The following GBE1 variants were observed in gnomAD, a reference collection of about 807,000 sequenced individuals.
The protein encoded by GBE1 is 1,4-alpha-glucan branching enzyme 1.
GBE1 carries 70 observed loss-of-function variants against 88.8 expected under a neutral mutation model. The ratio of observed to expected loss-of-function variants is 0.79; its 90% CI spans 0.65 to 0.96. The LOEUF (loss-of-function observed/expected upper bound fraction) is 0.96, where lower values mean the gene tolerates loss of function less well. Among genes scored for constraint, GBE1 ranks in the 40% least tolerant of loss-of-function variants. The probability of loss-of-function intolerance (pLI) is 0.00; values close to 1 mark genes in which losing one functional copy is unlikely to be tolerated. For missense variants in GBE1, 872 were observed against 871.0 expected (o/e 1.00, Z -0.01); for synonymous variants, 284 against 300.1 (o/e 0.95, Z 0.56).
chr3:81,560,533 T>C (rs539883970), intron 12 of GBE1, among the ~76,000 whole-genome samples: 2 of 152,134 alleles, frequency 1.3e-5, no homozygotes, highest in South Asian at 2.1e-4. Context: ...AAACATGATG[T>C]ATAAAAGATT....
At chr3:81,529,538 C>T (rs1389227817) in intron 14 of GBE1, among the ~76,000 whole-genome samples, 1 of 151,820 alleles carries the variant, frequency 6.6e-6, no homozygotes, top group Non-Finnish European at 1.5e-5. Context: ...CTGGGAAAGT[C>T]TTAATTTCTC....
chr3:81,665,608 T>C (rs1229709805), intron 3 of GBE1, among the ~76,000 whole-genome samples: 3 of 152,210 alleles, frequency 2.0e-5, no homozygotes, highest in Non-Finnish European at 2.9e-5. Context: ...AAACATTTTC[T>C]TTCTACATTA....
chr3:81,501,121 A>G (rs1345919073), intron 14 of GBE1, among the ~76,000 whole-genome samples: 1 of 152,210 alleles, frequency 6.6e-6, no homozygotes, highest in Non-Finnish European at 1.5e-5. Context: ...AAAAGAAAAA[A>G]GGAAAGAAAC....
At chr3:81,710,661 G>C (rs752272041) in intron 1 of GBE1, among the ~76,000 whole-genome samples, 1 of 151,966 alleles carries the variant, frequency 6.6e-6, no homozygotes, top group African/African-American at 2.4e-5. Flanking sequence ...AACAGCAGGA[G>C]CATTACCCGC....
intron 2 of GBE1, among the ~76,000 whole-genome samples, chr3:81,678,295 C>CCA (rs1390130137): frequency 6.6e-6 from 1 of 152,144 alleles, no homozygotes; most frequent in Non-Finnish European, 1.5e-5. Flanking sequence ...TCCTATGGGA[C>CCA]CACCTTTGTA....
Position 81,758,023 on chromosome 3 carries a change from T to C in GBE1, c.143+3352A>G, listed in dbSNP as rs1001343069. On this transcript the variant is annotated intron_variant, in intron 1 of 15. Coordinates refer to ENST00000429644, the MANE Select transcript of GBE1 (RefSeq NM_000158.4). ...CAAAGAGCCAAGAAATAGTCCAACA[T>C]GTACAATGCTAGAGATAAAGAAAAG... Among the ~76,000 whole-genome samples, 24 of 152,144 alleles carry C rather than the reference T, an allele frequency of 1.6e-4. 1 individual carries two copies. Among genetic ancestry groups the C allele is most frequent in the Non-Finnish European group, 3.5e-4 (24 of 68,002 alleles).
chr3:81,570,921 A>G (rs1703565260), intron 12 of GBE1, among the ~76,000 whole-genome samples: 1 of 152,174 alleles, frequency 6.6e-6, no homozygotes, highest in Non-Finnish European at 1.5e-5. Flanking sequence ...CTCCATGTTT[A>G]TTTTCTACCA....
At chr3:81,644,767 T>G (rs75084748) in intron 6 of GBE1, among the ~76,000 whole-genome samples, 1 of 152,278 alleles carries the variant, frequency 6.6e-6, no homozygotes, top group Non-Finnish European at 1.5e-5. Context: ...GTTAAAGAGC[T>G]ATTGAAATAA....
intron 5 of GBE1, among the ~76,000 whole-genome samples, chr3:81,647,932 C>G (rs900558802): frequency 6.6e-6 from 1 of 151,998 alleles, no homozygotes; most frequent in Non-Finnish European, 1.5e-5. Flanking sequence ...TGCTGCTGAA[C>G]GTTCTGCAAG....
intron 1 of GBE1, among the ~76,000 whole-genome samples, chr3:81,748,503 C>T (rs1250037401): frequency 6.6e-6 from 1 of 150,644 alleles, no homozygotes; most frequent in Admixed American, 6.6e-5. Context: ...CCCAGCTACT[C>T]GGGAGACTGG....
intron 2 of GBE1, among the ~76,000 whole-genome samples, chr3:81,695,853 A>C (rs1705583616): frequency 6.6e-6 from 1 of 152,208 alleles, no homozygotes; most frequent in African/African-American, 2.4e-5. Flanking sequence ...CCTGATCGCT[A>C]AATAATACAT....
rs778831325 is a variant in GBE1 at position 81,649,939 on chromosome 3, T to C, written c.430-18A>G. On this transcript the variant is annotated intron_variant, in intron 3 of 15. Transcript: ENST00000429644. ...ATAACTACCTAAAAAGAGAATGACA[T>C]GTTATTGCTTTAAAATACATCCAGA... is the stretch of plus-strand genomic sequence containing the variant. The C allele has an allele frequency of 1.4e-5, 23 of 1,589,652 alleles. No individual in the cohort carries two copies. Among genetic ancestry groups the C allele is most frequent in the Non-Finnish European group, 1.9e-5 (22 of 1,160,454 alleles).
chr3:81,704,563 A>G (rs1344015956), intron 2 of GBE1, among the ~76,000 whole-genome samples: 1 of 152,066 alleles, frequency 6.6e-6, no homozygotes, highest in Non-Finnish European at 1.5e-5. Flanking sequence ...CTAAAACGTC[A>G]TAAAAATTGA....
At chr3:81,729,195 T>G (rs370078571) in intron 1 of GBE1, among the ~76,000 whole-genome samples, 86 of 152,248 alleles carry the variant, frequency 5.6e-4, no homozygotes, top group South Asian at 5.2e-3. Context: ...GACCAAAGCA[T>G]GTTTAGAAGG....
chr3:81,652,373 A>C (rs1291104717), intron 3 of GBE1, among the ~76,000 whole-genome samples: 2 of 152,224 alleles, frequency 1.3e-5, no homozygotes, highest in Non-Finnish European at 2.9e-5. Flanking sequence ...GTAGGGTAAA[A>C]TCAAATCACA....
rs140777835 is a variant in GBE1, at chr3:81,720,596, C to T, written c.144-14983G>A. On this transcript the variant is annotated intron_variant, in intron 1 of 15. Transcript: ENST00000429644. The stretch of plus-strand genomic sequence containing the variant: ...AAGGTATTTAAATGTTACTGAGCAA[C>T]TCTACTCTGTAGGTCTTGTAATGAT... Among the ~76,000 whole-genome samples, 3 of 152,184 alleles carry T rather than the reference C, an allele frequency of 2.0e-5. 1 individual carries two copies. The East Asian group carries it at 5.8e-4, about 30-fold the overall frequency.
At chr3:81,575,783 G>C (rs919389733) in intron 12 of GBE1, among the ~76,000 whole-genome samples, 6 of 151,956 alleles carry the variant, frequency 3.9e-5, no homozygotes, top group Admixed American at 1.3e-4. Context: ...TGCAGCTAAT[G>C]AACTAATGCT....
chr3:81,546,341 C>A (rs1417891876), intron 12 of GBE1, among the ~76,000 whole-genome samples: 1 of 152,016 alleles, frequency 6.6e-6, no homozygotes, highest in East Asian at 1.9e-4. Context: ...AAACAAAAAA[C>A]AAACACCTAA....
At chr3:81,602,804 T>A (rs1704050993) in intron 7 of GBE1, among the ~76,000 whole-genome samples, 1 of 152,194 alleles carries the variant, frequency 6.6e-6, no homozygotes, top group African/African-American at 2.4e-5. Flanking sequence ...TGCTTAACTA[T>A]TCTTTCTTGT....
Sources: allele counts gnomAD v4.1 joint callset (sites outside exome capture counted in the v4.1 genomes callset), GRCh38; gene constraint gnomAD v4.1.1; transcripts MANE v1.5; gene names NCBI Gene and HGNC (gene_info 2026-07-23, HGNC 2026-07-21).